The following CCDC66 variants were observed in gnomAD, a reference collection of about 807,000 sequenced individuals.
CCDC66 encodes the protein coiled-coil domain-containing protein 66.
CCDC66 carries 133 observed loss-of-function variants against 128.3 expected under a neutral mutation model. The ratio of observed to expected loss-of-function variants is 1.04; its 90% CI spans 0.90 to 1.20. The LOEUF (loss-of-function observed/expected upper bound fraction) is 1.20. Ranked by LOEUF, CCDC66 falls within the 50% of genes most tolerant of loss-of-function variation. CCDC66 has a pLI of 0.00. For synonymous variants in CCDC66, 387 were observed against 357.0 expected (o/e 1.08, Z -0.95); for missense variants, 1,126 against 1,075.5 (o/e 1.05, Z -0.66).
chr3:56,567,413 G>C (rs1484029385), intron 6 of CCDC66, among the ~76,000 whole-genome samples: 1 of 152,134 alleles, frequency 6.6e-6, no homozygotes, highest in Non-Finnish European at 1.5e-5. Flanking sequence ...AAAAGAATAT[G>C]TATTGAGGAT....
Position 56,617,404 on chromosome 3 carries a change from T to C in CCDC66, c.2136T>C (p.Tyr712=). 6.2e-7 allele frequency: 1 copy of C among 1,614,000 alleles called. No homozygotes were observed. The highest frequency in any genetic ancestry group is 2.2e-5 in the East Asian group (1 of 44,868). Residue 712 remains tyrosine, a synonymous_variant, in exon 14 of 18, where the codon TAT becomes TAC. Coordinates refer to ENST00000394672, the MANE Select transcript of CCDC66 (RefSeq NM_001141947.3). The part of the protein sequence containing the change: ...DWNINKPPKR[Y]IPASEKYPKQ... ...ATATAAATAAGCCACCTAAAAGGTA[T>C]ATTCCAGCATCAGAAAAGTACCCTA...
Position 56,615,891 on chromosome 3 carries a change from G to A in CCDC66, c.1712-31G>A, listed in dbSNP as rs112775968. On this transcript the variant is annotated intron_variant, in intron 12 of 17. Transcript: ENST00000394672. ...TAATTTTTATTAATATTCCTTAAGTGTTGTTTTATCAGGTGATTTCTCTTT... is the reference window on the plus strand; with the variant it reads ...TAATTTTTATTAATATTCCTTAAGTATTGTTTTATCAGGTGATTTCTCTTT... The A allele has an allele frequency of 3.4e-5, 53 of 1,554,412 alleles. No homozygotes were observed. The African/African-American group carries it at 5.3e-4, about 16-fold the overall frequency.
intron 7 of CCDC66, among the ~76,000 whole-genome samples, chr3:56,588,298 A>G (rs1161828336): frequency 6.6e-6 from 1 of 152,198 alleles, no homozygotes; most frequent in African/African-American, 2.4e-5. Context: ...TTGAGGACTT[A>G]TGGAGAAAGG....
chr3:56,593,122 G>T, intron 8 of CCDC66, 21 bp downstream of exon 8: 2 of 1,523,878 alleles, frequency 1.3e-6, no homozygotes, highest in Non-Finnish European at 8.9e-7. Context: ...AGGTTTTGTG[G>T]CTATAAAAGA....
At chr3:56,589,976 T>TA (rs1432584767) in intron 7 of CCDC66, among the ~76,000 whole-genome samples, 1 of 152,140 alleles carries the variant, frequency 6.6e-6, no homozygotes, top group East Asian at 1.9e-4. Flanking sequence ...AAGTTCAAAG[T>TA]AATTTTGTTT....
At chr3:56,575,692 A>G (rs925019206) in intron 7 of CCDC66, among the ~76,000 whole-genome samples, 4 of 151,966 alleles carry the variant, frequency 2.6e-5, no homozygotes, top group Non-Finnish European at 5.9e-5. Flanking sequence ...ATTTTCTTCT[A>G]AGAGTTTTCT....
chr3:56,573,986 A>G (rs1255816723), intron 7 of CCDC66, among the ~76,000 whole-genome samples: 4 of 151,866 alleles, frequency 2.6e-5, no homozygotes, highest in Admixed American at 6.6e-5. Context: ...GAGAAGGACT[A>G]GAAAACGAAA....
chr3:56,589,815 T>C (rs2070533149), intron 7 of CCDC66, among the ~76,000 whole-genome samples: 1 of 151,576 alleles, frequency 6.6e-6, no homozygotes, highest in African/African-American at 2.4e-5. Context: ...CATTCACTAA[T>C]TAGACAACCC....
At chr3:56,591,878 T>C (rs2070964933) in intron 7 of CCDC66, among the ~76,000 whole-genome samples, 1 of 152,226 alleles carries the variant, frequency 6.6e-6, no homozygotes, top group Non-Finnish European at 1.5e-5. Context: ...TATATCGTCA[T>C]TGTAGGATTC....
chr3:56,592,145 G>C (rs1336259817), intron 7 of CCDC66, among the ~76,000 whole-genome samples: 1 of 152,164 alleles, frequency 6.6e-6, no homozygotes, highest in Non-Finnish European at 1.5e-5. Context: ...GGCTGTGATA[G>C]AGCTGTAGTA....
chr3:56,561,447 A>G (rs1385669772), intron 3 of CCDC66: 5 of 341,720 alleles, frequency 1.5e-5, no homozygotes, highest in Non-Finnish European at 2.8e-5. Context: ...AAATTCTATC[A>G]GCTATCTAAA....
chr3:56,597,268 T>G (rs1356697440), intron 10 of CCDC66, among the ~76,000 whole-genome samples: 1 of 152,094 alleles, frequency 6.6e-6, no homozygotes, highest in Non-Finnish European at 1.5e-5. Context: ...ATGTCTGTTT[T>G]TATACCAATA....
intron 7 of CCDC66, among the ~76,000 whole-genome samples, chr3:56,588,087 A>G (rs1042964344): frequency 1.3e-5 from 2 of 152,232 alleles, no homozygotes; most frequent in South Asian, 2.1e-4. Flanking sequence ...TGAGATAGAT[A>G]TAGATATGGA....
intron 4 of CCDC66, chr3:56,565,084 T>C (rs1354142327): frequency 5.8e-6 from 2 of 345,948 alleles, no homozygotes; most frequent in African/African-American, 2.2e-5. Context: ...TCAGAACATT[T>C]TTTGAGCCAT....
Position 56,597,157 on chromosome 3 carries a change from G to A in CCDC66, c.1404+3129G>A, listed in dbSNP as rs543114641. Reference sequence around the variant, plus strand: ...CCAAGCATTATTTATTGAAGAGTGTGTGCTTTCCCCAACTATGTTCTTGAC... The same window carrying A: ...CCAAGCATTATTTATTGAAGAGTGTATGCTTTCCCCAACTATGTTCTTGAC... On this transcript the variant is annotated intron_variant, in intron 10 of 17. Coordinates refer to ENST00000394672, the MANE Select transcript of CCDC66 (RefSeq NM_001141947.3). Among the ~76,000 whole-genome samples the A allele has an allele frequency of 3.9e-5, 6 of 152,062 alleles. No homozygotes were observed. The South Asian group carries it at 1.2e-3, about 32-fold the overall frequency.
At chr3:56,575,369 A>C (rs749255583) in intron 7 of CCDC66, among the ~76,000 whole-genome samples, 4 of 151,788 alleles carry the variant, frequency 2.6e-5, no homozygotes, top group Non-Finnish European at 5.9e-5. Context: ...CCACAGGCTT[A>C]TTGACTATTT....
At chr3:56,583,420 G>T (rs1169253969) in intron 7 of CCDC66, among the ~76,000 whole-genome samples, 1 of 151,886 alleles carries the variant, frequency 6.6e-6, no homozygotes, top group African/African-American at 2.4e-5. Flanking sequence ...AAAGGTCTCT[G>T]GTTCTCCTAG....
At chr3:56,619,687 T>G (rs539932417) in intron 16 of CCDC66, 90 bp from the exon 17 acceptor site, 2 of 1,514,482 alleles carry the variant, frequency 1.3e-6, no homozygotes, top group East Asian at 4.5e-5. Flanking sequence ...TACATACTTA[T>G]TATAATGACT....
At chr3:56,561,300 T>C (rs1440652620) in intron 3 of CCDC66, 2 of 456,450 alleles carry the variant, frequency 4.4e-6, no homozygotes, top group Non-Finnish European at 8.8e-6. Flanking sequence ...CATTTTATTG[T>C]CATTTTAACC....
Sources: allele counts gnomAD v4.1 joint callset (sites outside exome capture counted in the v4.1 genomes callset), GRCh38; gene constraint gnomAD v4.1.1; transcripts MANE v1.5; gene names NCBI Gene and HGNC (gene_info 2026-07-23, HGNC 2026-07-21).